The following CTNNA3 variants were observed in gnomAD, a reference collection of about 807,000 sequenced individuals.
CTNNA3 encodes the protein catenin alpha 3.
In CTNNA3, 76 loss-of-function variants were observed where a neutral mutation model predicts 95.7. That is an observed-to-expected ratio of 0.79 (90% CI 0.66 to 0.96). The LOEUF is 0.96. Ranked by LOEUF, CTNNA3 falls within the 40% of genes least tolerant of loss-of-function variation. The pLI is 0.00. For synonymous variants in CTNNA3, 431 were observed against 374.4 expected, an observed-to-expected ratio of 1.15 and a Z score of -1.74; for missense variants, 1,191 against 1,089.8, an observed-to-expected ratio of 1.09 and a Z score of -1.31.
At chr10:66,408,135 A>C (rs1262266768) in intron 11 of CTNNA3, among the ~76,000 whole-genome samples, 1 of 152,208 alleles carries the variant, frequency 6.6e-6, no homozygotes, top group Non-Finnish European at 1.5e-5. Context: ...CTTCATCTGC[A>C]CAGATTCGAC....
intron 3 of CTNNA3, among the ~76,000 whole-genome samples, chr10:67,561,607 C>A (rs949455758): frequency 2.1e-4 from 31 of 144,746 alleles, no homozygotes; most frequent in African/African-American, 4.6e-4. Context: ...CACATTCAAA[C>A]GCTAGCAGAA....
intron 1 of CTNNA3, among the ~76,000 whole-genome samples, chr10:67,724,813 T>C (rs982843775): frequency 6.6e-6 from 1 of 152,194 alleles, no homozygotes; most frequent in Non-Finnish European, 1.5e-5. Flanking sequence ...CTGCCTTCAT[T>C]GTAGGATCAG....
chr10:66,690,789 G>T (rs1847497071), intron 9 of CTNNA3, among the ~76,000 whole-genome samples: 1 of 152,044 alleles, frequency 6.6e-6, no homozygotes, highest in Non-Finnish European at 1.5e-5. Flanking sequence ...ACATACATGT[G>T]CATGTGTCTT....
At chr10:66,726,107 T>G (rs549375429) in intron 9 of CTNNA3, among the ~76,000 whole-genome samples, 1 of 152,202 alleles carries the variant, frequency 6.6e-6, no homozygotes, top group African/African-American at 2.4e-5. Context: ...CACATTATAA[T>G]GTAGTTATAA....
rs2077689979 is a variant in CTNNA3 at position 65,954,519 on chromosome 10, G to C, written c.2400+12093C>G. On this transcript the variant is annotated intron_variant, in intron 17 of 17. Transcript: ENST00000433211. ...TTCTTCTAGAGTTTTTACGGTTTTA[G>C]GTCTAACATTTAAGTCTTTAATCCA... Among the ~76,000 whole-genome samples the C allele has an allele frequency of 3.9e-5, 6 of 152,192 alleles. No homozygotes were observed. The South Asian group carries it at 1.2e-3, about 32-fold the overall frequency.
At chr10:67,749,910 G>A (rs1228927416) in intron 1 of CTNNA3, among the ~76,000 whole-genome samples, 2 of 152,078 alleles carry the variant, frequency 1.3e-5, no homozygotes, top group African/African-American at 4.8e-5. Context: ...AAAATAGATA[G>A]ACCGTGGGCA....
chr10:67,698,261 AGAG>A (rs1841004422), upstream of CTNNA3, among the ~76,000 whole-genome samples: 6 of 152,190 alleles, frequency 3.9e-5, no homozygotes, highest in Non-Finnish European at 7.4e-5. Flanking sequence ...GAGAGAAAAA[AGAG>A]AGAGAATAAA....
chr10:67,027,180 G>A (rs895864903), intron 7 of CTNNA3, among the ~76,000 whole-genome samples: 59 of 152,198 alleles, frequency 3.9e-4, no homozygotes, highest in African/African-American at 1.2e-3. Context: ...GGAAAGGAGC[G>A]TAGGAAGTAA....
At chr10:67,054,603 C>T (rs1216026139) in intron 7 of CTNNA3, 1 of 152,200 alleles carries the variant, frequency 6.6e-6, no homozygotes, top group Non-Finnish European at 1.5e-5. Context: ...TTTCTTACCA[C>T]TCTTCCTTCC....
intron 15 of CTNNA3, among the ~76,000 whole-genome samples, chr10:65,998,598 T>C (rs1477170413): frequency 1.3e-5 from 2 of 151,840 alleles, no homozygotes; most frequent in Non-Finnish European, 2.9e-5. Context: ...GAAAGAGGGA[T>C]AGTGAGGAGG....
At chr10:66,685,819 A>C (rs1242284982) in intron 9 of CTNNA3, among the ~76,000 whole-genome samples, 2 of 152,172 alleles carry the variant, frequency 1.3e-5, no homozygotes, top group East Asian at 3.9e-4. Flanking sequence ...AAGCCACGAC[A>C]CTTAGGTTTG....
intron 11 of CTNNA3, among the ~76,000 whole-genome samples, chr10:66,517,620 G>T (rs1840910019): frequency 6.6e-6 from 1 of 152,078 alleles, no homozygotes; most frequent in Non-Finnish European, 1.5e-5. Flanking sequence ...ATATCACCAA[G>T]AAATAACCAT....
At position 66,089,415 on chromosome 10, in the gene CTNNA3, C is replaced by T. The variant is rs561035946; in HGVS notation, c.1977+13742G>A. 2.6e-5 allele frequency among the ~76,000 whole-genome samples: 4 copies of T among 150,994 alleles called. No individual in the cohort carries two copies. In the South Asian group the frequency reaches 8.4e-4, roughly 32 times the overall value. ...CTTTCCTTCCTTACTCCCTTCCTTC[C>T]TTCCTTTCTTCCTTCCTTCTATATA... On this transcript the variant is annotated intron_variant, in intron 14 of 17. Coordinates refer to ENST00000433211, the MANE Select transcript of CTNNA3 (RefSeq NM_013266.4).
intron 5 of CTNNA3, among the ~76,000 whole-genome samples, chr10:67,458,770 C>T (rs1303065097): frequency 6.6e-6 from 1 of 152,118 alleles, no homozygotes; most frequent in African/African-American, 2.4e-5. Flanking sequence ...AATTCACTCA[C>T]TTATCATGAG....
At chr10:66,641,661 T>TA (rs1383521264) in intron 9 of CTNNA3, among the ~76,000 whole-genome samples, 1 of 152,130 alleles carries the variant, frequency 6.6e-6, no homozygotes, top group Non-Finnish European at 1.5e-5. Context: ...TTCATTGTGA[T>TA]AAAAAACTTT....
chr10:66,775,039 T>C (rs1840238449), intron 8 of CTNNA3, among the ~76,000 whole-genome samples: 1 of 152,224 alleles, frequency 6.6e-6, no homozygotes, highest in Non-Finnish European at 1.5e-5. Context: ...TCTGATGTAA[T>C]ACAATCAATT....
Position 66,414,407 on chromosome 10 carries a change from A to G in CTNNA3, c.1532-35055T>C, listed in dbSNP as rs542136134. Among the ~76,000 whole-genome samples the G allele has an allele frequency of 4.6e-5, 7 of 152,278 alleles. No individual in the cohort carries two copies. The East Asian group carries it at 1.4e-3, about 30-fold the overall frequency. ...TTCAGCCTGGATTGACTGAGAGCCT[A>G]GAGAGACTCCCCAATAGAGGGAAAC... On this transcript the variant is annotated intron_variant, in intron 11 of 17. Transcript: ENST00000433211.
intron 10 of CTNNA3, among the ~76,000 whole-genome samples, chr10:66,548,810 A>G (rs1842119109): frequency 6.6e-6 from 1 of 151,880 alleles, no homozygotes; most frequent in East Asian, 1.9e-4. Context: ...AAATGTTTCT[A>G]GTTGGTCATA....
intron 3 of CTNNA3, among the ~76,000 whole-genome samples, chr10:67,562,663 A>G (rs1484116189): frequency 6.6e-6 from 1 of 152,204 alleles, no homozygotes; most frequent in East Asian, 1.9e-4. Flanking sequence ...AGAAGTAAAT[A>G]AAGGGTATTC....
Sources: gnomAD v4.1 joint callset for allele counts (sites outside exome capture counted in the v4.1 genomes callset) on GRCh38, gnomAD v4.1.1 for gene constraint, MANE v1.5 for transcripts, NCBI Gene and HGNC (gene_info 2026-07-23, HGNC 2026-07-21) for gene names.